The following KCNN3 variants were observed in gnomAD, a reference collection of about 807,000 sequenced individuals.
KCNN3 encodes the protein potassium calcium-activated channel subfamily N member 3, also known as small conductance calcium-activated potassium channel protein 3.
In KCNN3, 16 loss-of-function variants were observed where a neutral mutation model predicts 62.9. The observed-to-expected ratio is 0.25, with a 90% CI of 0.17 to 0.39. KCNN3 has a LOEUF of 0.39. KCNN3 is among the 10% of genes least tolerant of loss of function. The probability of loss-of-function intolerance (pLI) is 1.00; values close to 1 mark genes in which losing one functional copy is unlikely to be tolerated. For synonymous variants in KCNN3, 370 were observed against 389.2 expected, an observed-to-expected ratio of 0.95 and a Z score of 0.58; for missense variants, 599 against 949.4, an observed-to-expected ratio of 0.63 and a Z score of 4.85.
chr1:154,814,726 T>C (rs779900790), intron 2 of KCNN3, among the ~76,000 whole-genome samples: 2 of 152,176 alleles, frequency 1.3e-5, no homozygotes, highest in African/African-American at 2.4e-5. Context: ...GTCTTCAAAG[T>C]GTAGTCTGAC....
At chr1:154,813,144 C>T (rs1404513234) in intron 2 of KCNN3, among the ~76,000 whole-genome samples, 4 of 152,040 alleles carry the variant, frequency 2.6e-5, no homozygotes, top group African/African-American at 9.7e-5. Flanking sequence ...GCCTCTCGTC[C>T]CATGTAGAAT....
At chr1:154,858,229 C>T (rs546307805) in intron 1 of KCNN3, among the ~76,000 whole-genome samples, 1 of 152,300 alleles carries the variant, frequency 6.6e-6, no homozygotes, top group South Asian at 2.1e-4. Flanking sequence ...GGCTGGGAAC[C>T]ATGGGCCCAG....
At chr1:154,832,830 C>T (rs1651427160) in intron 1 of KCNN3, among the ~76,000 whole-genome samples, 1 of 152,226 alleles carries the variant, frequency 6.6e-6, no homozygotes, top group African/African-American at 2.4e-5. Context: ...GCTTCCCTTT[C>T]CCCATCCTGC....
At chr1:154,830,097 A>T (rs1197387716) in intron 1 of KCNN3, among the ~76,000 whole-genome samples, 2 of 152,156 alleles carry the variant, frequency 1.3e-5, no homozygotes, top group African/African-American at 2.4e-5. Context: ...AGGGAGCAAA[A>T]TTTTTGAGAT....
At chr1:154,765,033 C>T (rs1242111911) in intron 3 of KCNN3, among the ~76,000 whole-genome samples, 2 of 152,260 alleles carry the variant, frequency 1.3e-5, no homozygotes, top group East Asian at 1.9e-4. Context: ...ATTTAGGGTT[C>T]CTGAGGGAGA....
At chr1:154,812,820 C>A (rs1371063816) in intron 2 of KCNN3, among the ~76,000 whole-genome samples, 1 of 152,138 alleles carries the variant, frequency 6.6e-6, no homozygotes, top group Non-Finnish European at 1.5e-5. Context: ...AGGGGACAGC[C>A]AGCTCTGTGA....
intron 1 of KCNN3, among the ~76,000 whole-genome samples, chr1:154,861,573 C>T (rs990082962): frequency 1.3e-5 from 2 of 152,158 alleles, no homozygotes; most frequent in South Asian, 2.1e-4. Flanking sequence ...AGCCCCTGCC[C>T]GAGCCCCTCC....
At chr1:154,744,649 C>A (rs1409255061) in intron 3 of KCNN3, among the ~76,000 whole-genome samples, 1 of 152,212 alleles carries the variant, frequency 6.6e-6, no homozygotes, top group Non-Finnish European at 1.5e-5. Flanking sequence ...TTCCCATTCC[C>A]AGCTCTGCCT....
At chr1:154,808,258 T>G (rs1396109465) in intron 2 of KCNN3, among the ~76,000 whole-genome samples, 1 of 152,180 alleles carries the variant, frequency 6.6e-6, no homozygotes, top group Non-Finnish European at 1.5e-5. Flanking sequence ...GCTCCAGCCC[T>G]TCTTTCTATT....
In KCNN3 at chr1:154,713,481, G is replaced by A. The variant is rs1700120664; in HGVS notation, c.1882C>T (p.Leu628=). 2 of 1,614,000 alleles carry A rather than the reference G, an allele frequency of 1.2e-6. No individual in the cohort carries two copies. The highest frequency in any genetic ancestry group is 1.7e-6 in the Non-Finnish European group (2 of 1,179,866). Residue 628 remains leucine, a synonymous_variant, in exon 7 of 8, where the codon CTG becomes TTG. Transcript: ENST00000271915. ...CCACTCACCTTGGAAAGGTCCACCA[G>A]AGTGTTGGCTTGGTCACTCAGCTTC... is the stretch of plus-strand genomic sequence containing the variant. ...QRKLSDQANT[L]VDLSKMQNVM...
chr1:154,799,360 G>A (rs543851894), intron 2 of KCNN3, among the ~76,000 whole-genome samples: 3 of 152,340 alleles, frequency 2.0e-5, no homozygotes, highest in Admixed American at 2.0e-4. Flanking sequence ...AGGTCACACT[G>A]TCGGATTAGG....
chr1:154,863,081 C>T (rs1274160921), intron 1 of KCNN3, among the ~76,000 whole-genome samples: 1 of 152,138 alleles, frequency 6.6e-6, no homozygotes, highest in Admixed American at 6.5e-5. Flanking sequence ...ATGGTCCTTG[C>T]CTTCCCCTCT....
chr1:154,734,665 T>C (rs1445248624), intron 3 of KCNN3, among the ~76,000 whole-genome samples: 1 of 152,150 alleles, frequency 6.6e-6, no homozygotes, highest in African/African-American at 2.4e-5. Context: ...GCTCAGCCAG[T>C]CAGAAAGGGA....
intron 1 of KCNN3, among the ~76,000 whole-genome samples, chr1:154,835,616 A>G (rs1358948482): frequency 1.3e-5 from 2 of 152,232 alleles, no homozygotes; most frequent in Admixed American, 6.5e-5. Flanking sequence ...ATTATGGACA[A>G]TCACGGCCAT....
chr1:154,775,181 T>C (rs1004017458), intron 2 of KCNN3, among the ~76,000 whole-genome samples: 16 of 152,192 alleles, frequency 1.1e-4, no homozygotes, highest in Non-Finnish European at 1.9e-4. Context: ...AGCAGCTTTC[T>C]CACTCCACTT....
intron 3 of KCNN3, among the ~76,000 whole-genome samples, chr1:154,733,473 T>A (rs1700643237): frequency 6.6e-6 from 1 of 152,164 alleles, no homozygotes; most frequent in South Asian, 2.1e-4. Flanking sequence ...AAAATTCAAA[T>A]TTTCCCTTCC....
intron 2 of KCNN3, among the ~76,000 whole-genome samples, chr1:154,774,754 G>GT (rs1472508033): frequency 3.3e-5 from 5 of 152,214 alleles, no homozygotes; most frequent in Admixed American, 1.3e-4. Flanking sequence ...TCCAAAGCTG[G>GT]TTATGATTGC....
intron 2 of KCNN3, among the ~76,000 whole-genome samples, chr1:154,780,596 TTATA>T (rs375053074): frequency 1.4e-5 from 2 of 146,244 alleles, no homozygotes; most frequent in African/African-American, 5.0e-5. Context: ...GTTTTATATT[TTATA>T]TATATATATA....
rs370811111 is a variant in KCNN3, at chr1:154,859,768, C to A, written c.933+9264G>T. 34 of 1,614,184 alleles carry A rather than the reference C, an allele frequency of 2.1e-5. No homozygotes were observed. The African/African-American group carries it at 3.6e-4, about 17-fold the overall frequency. On this transcript the variant is annotated intron_variant, in intron 1 of 7. Transcript: ENST00000271915. ...GTCCTTGCAGATGTCGCGTGGCAGG[C>A]CTGGTATCAGCAAGCTCTAAGGAGT...
Sources: allele counts gnomAD v4.1 joint callset (sites outside exome capture counted in the v4.1 genomes callset), GRCh38; gene constraint gnomAD v4.1.1; transcripts MANE v1.5; gene names NCBI Gene and HGNC (gene_info 2026-07-23, HGNC 2026-07-21).